The following MTOR variants were observed in gnomAD, a reference collection of about 807,000 sequenced individuals.
MTOR encodes the protein serine/threonine-protein kinase mTOR.
In MTOR, 70 loss-of-function variants were observed where a neutral mutation model predicts 319.8. That is an observed-to-expected ratio of 0.22 (90% CI 0.18 to 0.27). The LOEUF (loss-of-function observed/expected upper bound fraction) is 0.27. MTOR is among the 10% of genes least tolerant of loss of function. The pLI is 1.00. For synonymous variants in MTOR, 1,183 were observed against 1,211.4 expected (o/e 0.98, Z 0.49); for missense variants, 1,890 against 3,274.4 (o/e 0.58, Z 10.32).
chr1:11,214,181 A>G (rs1646398322), intron 20 of MTOR, among the ~76,000 whole-genome samples: 1 of 152,210 alleles, frequency 6.6e-6, no homozygotes. Flanking sequence ...TGACTCCAGT[A>G]TTACAAATAT....
intron 49 of MTOR, among the ~76,000 whole-genome samples, chr1:11,117,489 A>G (rs1467914861): frequency 6.6e-6 from 1 of 152,186 alleles, no homozygotes; most frequent in African/African-American, 2.4e-5. Flanking sequence ...CAGTCCATCA[A>G]TAACTGGTTA....
chr1:11,122,048 G>A lies in MTOR; in HGVS notation c.6741C>T (p.His2247=), dbSNP rs779172738. 3 of 1,614,198 alleles carry A rather than the reference G, an allele frequency of 1.9e-6. No homozygotes were observed. Among genetic ancestry groups the A allele is most frequent in the Non-Finnish European group, 2.5e-6 (3 of 1,180,040 alleles). The change falls in exon 48 of 58, where the codon CAC becomes CAT. Residue 2247 remains histidine, a synonymous_variant. Coordinates refer to ENST00000361445, the MANE Select transcript of MTOR (RefSeq NM_004958.4). ...TCTCCCTGTAGTCCCGGATGAGGGC[G>A]TGCAGTGTGTCACAGTGGGGAACCC... The part of the protein sequence containing the change: ...IGWVPHCDTL[H]ALIRDYREKK...
At chr1:11,205,481 G>A (rs1356290022) in intron 25 of MTOR, among the ~76,000 whole-genome samples, 1 of 152,178 alleles carries the variant, frequency 6.6e-6, no homozygotes. Flanking sequence ...TTCCTGGGGT[G>A]TTTTAAGTTA....
chr1:11,124,413 G>T, intron 47 of MTOR, 85 bp downstream of exon 47: 2 of 1,512,802 alleles, frequency 1.3e-6, no homozygotes, highest in Non-Finnish European at 9.0e-7. Flanking sequence ...TTTTTGTTAA[G>T]ATATAATACA....
chr1:11,183,382 C>T (rs1645218408), intron 28 of MTOR, among the ~76,000 whole-genome samples: 1 of 152,086 alleles, frequency 6.6e-6, no homozygotes, highest in African/African-American at 2.4e-5. Flanking sequence ...ATCCTTCCAC[C>T]TCAACCTCCC....
rs1212972890 is a variant in MTOR, at chr1:11,121,656, A to G, written c.6811-288T>C. 2.0e-5 allele frequency among the ~76,000 whole-genome samples: 3 copies of G among 152,182 alleles called. No individual in the cohort carries two copies. The highest frequency in any genetic ancestry group is 2.0e-4 in the Admixed American group (3 of 15,288). On this transcript the variant is annotated intron_variant, in intron 48 of 57. Coordinates refer to ENST00000361445, the MANE Select transcript of MTOR (RefSeq NM_004958.4). The surrounding 1 kb of genome is among the most constrained non-coding windows in gnomAD (Gnocchi z 4.9). ...GTTTCAAGGTTTTGGAAAACAAGCA[A>G]TTCTCTTTCTTATTACTTACACATC...
At position 11,122,037 on chromosome 1, in the gene MTOR, C is replaced by T. The variant is rs1642555959; in HGVS notation, c.6752G>A (p.Arg2251Gln). 4 of 1,614,042 alleles carry T rather than the reference C, an allele frequency of 2.5e-6. No individual in the cohort carries two copies. The highest frequency in any genetic ancestry group is 2.5e-6 in the Non-Finnish European group (3 of 1,180,042). The change falls in exon 48 of 58, where the codon CGG (arginine) becomes CAG (glutamine). Residue 2251 changes from arginine (R) to glutamine (Q), a missense_variant. By Grantham distance (43) the Arg-to-Gln change is conservative (BLOSUM62 1). Transcript: ENST00000361445. The part of the protein sequence containing the change: ...PHCDTLHALI[R>Q]DYREKKKILL... ...GATCTTCTTCTTCTCCCTGTAGTCC[C>T]GGATGAGGGCGTGCAGTGTGTCACA...
intron 56 of MTOR, among the ~76,000 whole-genome samples, 165 bp from the exon 57 acceptor site, chr1:11,108,451 C>T (rs1389120503): frequency 1.3e-5 from 2 of 151,084 alleles, no homozygotes; most frequent in African/African-American, 2.4e-5. Context: ...CGGTGGCTCA[C>T]GCCTGTAATC....
At chr1:11,194,577 C>G in intron 28 of MTOR, 1 of 1,614,188 alleles carries the variant, frequency 6.2e-7, no homozygotes, top group Non-Finnish European at 8.5e-7. Context: ...ACGACGCCCT[C>G]CAGTATCATA....
In MTOR at chr1:11,115,696, G is replaced by C; in HGVS notation, c.7017-228C>G. On this transcript the variant is annotated intron_variant, in intron 50 of 57. Transcript: ENST00000361445. This position sits in a 1 kb window ranked among gnomAD's most constrained non-coding sequence, Gnocchi z 4.5. ...CATGCTACGACAGCAGAGCTGACTA[G>C]TTGTGACAGAGACCAAAGGGCCCAC... 2.0e-6 allele frequency: 1 copy of C among 499,498 alleles called. No individual in the cohort carries two copies. The highest frequency in any genetic ancestry group is 3.6e-6 in the Non-Finnish European group (1 of 274,736). The allele number at this position is 499,498 out of a possible 1,614,324, so 30.9% of individuals were successfully genotyped here.
At chr1:11,207,422 T>C (rs893568685) in intron 25 of MTOR, among the ~76,000 whole-genome samples, 3 of 145,324 alleles carry the variant, frequency 2.1e-5, no homozygotes, top group African/African-American at 7.6e-5. Context: ...TTTTTTTTTT[T>C]TTTTTGAAGA....
chr1:11,193,680 A>G, intron 28 of MTOR: 1 of 1,614,150 alleles, frequency 6.2e-7, no homozygotes, highest in Non-Finnish European at 8.5e-7. Flanking sequence ...CAGTACAAGC[A>G]GGGCTTTGGC....
At chr1:11,219,718 A>G (rs1196597244) in intron 19 of MTOR, among the ~76,000 whole-genome samples, 1 of 152,150 alleles carries the variant, frequency 6.6e-6, no homozygotes, top group Non-Finnish European at 1.5e-5. Flanking sequence ...TCTGTTTAAA[A>G]TGCCTTAAAA....
intron 29 of MTOR, among the ~76,000 whole-genome samples, chr1:11,165,529 A>G (rs539850308): frequency 6.6e-6 from 1 of 152,046 alleles, no homozygotes; most frequent in Non-Finnish European, 1.5e-5. Flanking sequence ...TAGGAATCCA[A>G]CTTACAAGGG....
chr1:11,128,608 T>G lies in MTOR; in HGVS notation c.5812-56A>C. ...TATGAGACTTGAAACAACTAGTTATTCTTCTAGGCAAAGATCAATTCTTTT... is the reference window on the plus strand; with the variant it reads ...TATGAGACTTGAAACAACTAGTTATGCTTCTAGGCAAAGATCAATTCTTTT... On this transcript the variant is annotated intron_variant, in intron 41 of 57. Transcript: ENST00000361445. This position sits in a 1 kb window ranked among gnomAD's most constrained non-coding sequence, Gnocchi z 5.3. 6.7e-7 allele frequency: 1 copy of G among 1,499,246 alleles called. No individual in the cohort carries two copies. 92.9% of individuals were successfully genotyped at this position (1,499,246 alleles called of 1,614,324 possible).
intron 28 of MTOR, among the ~76,000 whole-genome samples, chr1:11,187,603 C>A (rs1032054090): frequency 1.6e-4 from 24 of 152,160 alleles, no homozygotes; most frequent in Admixed American, 1.6e-3. Context: ...GGATTAGGGA[C>A]CCCTGCTATA....
In MTOR at chr1:11,205,941, C is replaced by A. The variant is rs142400857; in HGVS notation, c.3802-1238G>T. Among the ~76,000 whole-genome samples, 31 of 152,354 alleles carry A rather than the reference C, an allele frequency of 2.0e-4. No homozygotes were observed. The East Asian group carries it at 6.0e-3, about 29-fold the overall frequency. ...TATACCATCAAGGACTCAACCATCA[C>A]CTCCCTGGGATACACTGGAGATGTG... On this transcript the variant is annotated intron_variant, in intron 25 of 57. Coordinates refer to ENST00000361445, the MANE Select transcript of MTOR (RefSeq NM_004958.4).
chr1:11,139,228 T>G, intron 36 of MTOR, 76 bp downstream of exon 36: 1 of 1,520,190 alleles, frequency 6.6e-7, no homozygotes, highest in Non-Finnish European at 8.8e-7. Flanking sequence ...TTTCTGGCCT[T>G]AAAGAGGCAG....
In MTOR at chr1:11,146,795, TAC is replaced by T. The variant is rs746728778; in HGVS notation, c.4571-6_4571-5del. On this transcript the variant is annotated splice_polypyrimidine_tract_variant and splice_region_variant and intron_variant, in intron 31 of 57. Coordinates refer to ENST00000361445, the MANE Select transcript of MTOR (RefSeq NM_004958.4). Reference sequence around the variant, plus strand: ...TCTTCCATGCTGTCCCACTGACCTATACACACACACATAGACAGAAAGCATCA... The same window carrying T: ...TCTTCCATGCTGTCCCACTGACCTATACACACACATAGACAGAAAGCATCA... 1.4e-5 allele frequency: 23 copies of T among 1,605,740 alleles called. No homozygotes were observed. The highest frequency in any genetic ancestry group is 1.8e-5 in the Non-Finnish European group (21 of 1,172,460).
Sources: gnomAD v4.1 joint callset for allele counts (sites outside exome capture counted in the v4.1 genomes callset) on GRCh38, gnomAD v4.1.1 for gene constraint, Gnocchi (gnomAD v3.1) non-coding constraint, MANE v1.5 for transcripts, NCBI Gene and HGNC (gene_info 2026-07-23, HGNC 2026-07-21) for gene names.